Variants in DZIP1 observed in about 807,000 individuals in gnomAD.
DZIP1 encodes DAZ interacting zinc finger protein 1, also known as cilium assembly protein DZIP1.
A neutral mutation model predicts 107.6 loss-of-function variants in DZIP1; 97 were observed. The observed-to-expected ratio is 0.90, with a 90% confidence interval of 0.77 to 1.07. DZIP1 has a LOEUF of 1.07. DZIP1 is among the 50% of genes least tolerant of loss of function. DZIP1 has a pLI of 0.00. For missense variants in DZIP1, 1,035 were observed against 1,063.6 expected, an observed-to-expected ratio of 0.97 and a Z score of 0.37; for synonymous variants, 390 against 386.4, an observed-to-expected ratio of 1.01 and a Z score of -0.11.
chr13:95,605,142 G>A (rs1430248619), intron 14 of DZIP1, among the ~76,000 whole-genome samples: 1 of 152,180 alleles, frequency 6.6e-6, no homozygotes, highest in East Asian at 1.9e-4. Context: ...TAAAGTTCAT[G>A]GTATACAGAT....
rs1173978576 is a variant in DZIP1, at chr13:95,644,547, T to C, written c.-696A>G. The C allele has an allele frequency of 1.3e-5, 2 of 152,756 alleles. No individual in the cohort carries two copies. The highest frequency in any genetic ancestry group is 2.9e-5 in the Non-Finnish European group (2 of 68,526). The allele number at this position is 152,756 out of a possible 1,614,324, so 9.5% of individuals were successfully genotyped here. A position where few individuals can be genotyped will look rare whatever the true frequency, so the allele number is the denominator to read the frequency against. On this transcript the variant is annotated 5_prime_UTR_variant, in exon 1 of 23. Transcript: ENST00000376829. ...TTCTTGCAGGGCGCAGGATGAAACG[T>C]GTCTGGTCTGGGCAAGTTGTGGCGA...
chr13:95,632,290 C>T (rs1222715545), intron 6 of DZIP1, among the ~76,000 whole-genome samples: 1 of 152,136 alleles, frequency 6.6e-6, no homozygotes, highest in East Asian at 1.9e-4. Context: ...TGTAAACGCA[C>T]CCATGGCAAG....
chr13:95,627,668 T>C (rs1876703359), intron 7 of DZIP1, among the ~76,000 whole-genome samples: 1 of 152,086 alleles, frequency 6.6e-6, no homozygotes, highest in South Asian at 2.1e-4. Flanking sequence ...TGTGGAGAAA[T>C]AAGAACATTA....
At chr13:95,587,794 G>C (rs2044203591) in intron 19 of DZIP1, 65 bp from the exon 20 acceptor site, 2 of 1,505,862 alleles carry the variant, frequency 1.3e-6, no homozygotes, top group African/African-American at 1.4e-5. Flanking sequence ...ATAATATTAA[G>C]AGATGTGCCT....
chr13:95,598,898 A>G (rs1178285782), intron 15 of DZIP1, among the ~76,000 whole-genome samples: 1 of 152,204 alleles, frequency 6.6e-6, no homozygotes, highest in Non-Finnish European at 1.5e-5. Context: ...TTTGCACATA[A>G]ATATTCCACA....
intron 10 of DZIP1, among the ~76,000 whole-genome samples, chr13:95,616,932 G>T (rs565313809): frequency 5.9e-5 from 9 of 152,132 alleles, no homozygotes; most frequent in Admixed American, 1.3e-4. Context: ...TCCAGGCCAG[G>T]CATGGTGGCT....
chr13:95,583,842 G>T (rs2044071713), intron 22 of DZIP1, among the ~76,000 whole-genome samples: 1 of 151,958 alleles, frequency 6.6e-6, no homozygotes, highest in East Asian at 1.9e-4. Flanking sequence ...TAATATAAAA[G>T]CTGGGCATGG....
At chr13:95,630,593 G>C (rs561987342) in intron 6 of DZIP1, 1 of 569,308 alleles carries the variant, frequency 1.8e-6, no homozygotes, top group East Asian at 8.6e-5. Context: ...CAGAGGACTT[G>C]GGGGGCATTC....
intron 7 of DZIP1, among the ~76,000 whole-genome samples, chr13:95,628,331 C>T (rs1439572603): frequency 6.6e-6 from 1 of 152,074 alleles, no homozygotes; most frequent in Non-Finnish European, 1.5e-5. Context: ...TTGTGAGCCA[C>T]CACACGTGGT....
intron 22 of DZIP1, chr13:95,584,528 A>T: frequency 2.1e-6 from 2 of 961,218 alleles, no homozygotes; most frequent in Non-Finnish European, 2.7e-6. Context: ...ACTAAAGATT[A>T]GTCCTATAAT....
At chr13:95,592,989 A>C (rs1230126038) in intron 16 of DZIP1, among the ~76,000 whole-genome samples, 1 of 152,216 alleles carries the variant, frequency 6.6e-6, no homozygotes, top group Non-Finnish European at 1.5e-5. Flanking sequence ...AGTAAAAGAG[A>C]GTCTTCCAGA....
Position 95,641,421 on chromosome 13 carries a change from C to T in DZIP1, c.471G>A (p.Glu157=). The T allele has an allele frequency of 6.2e-7, 1 of 1,614,172 alleles. No homozygotes were observed. Among genetic ancestry groups the T allele is most frequent in the East Asian group, 2.2e-5 (1 of 44,876 alleles). The stretch of plus-strand genomic sequence containing the variant: ...GCTTGGTGAGCAGCTTCTTGCTCTG[C>T]TCGCCGTCGCAGTGGCTCAGGCGCA... ...ERLRLSHCDG[E]QSKKLLTKQA... is the part of the protein sequence containing the mutation. Residue 157 remains glutamate (E), a synonymous_variant, in exon 5 of 23, where the codon GAG becomes GAA. Coordinates refer to ENST00000376829, the MANE Select transcript of DZIP1 (RefSeq NM_198968.4). This position sits in a 1 kb window ranked among gnomAD's most constrained non-coding sequence, Gnocchi z 4.3.
rs1878737869 is a variant in DZIP1, at chr13:95,643,246, T to A, written c.-416A>T. 1 of 152,094 alleles carries A rather than the reference T, an allele frequency of 6.6e-6. No individual in the cohort carries two copies. Among genetic ancestry groups the A allele is most frequent in the Non-Finnish European group, 1.5e-5 (1 of 68,012 alleles). The allele number at this position is 152,094 out of a possible 1,614,324, so 9.4% of individuals were successfully genotyped here. On this transcript the variant is annotated 5_prime_UTR_variant, in exon 3 of 23. Coordinates refer to ENST00000376829, the MANE Select transcript of DZIP1 (RefSeq NM_198968.4). ...CTGCTTGGACCAGACATCAGGAATT[T>A]TTTTTTCTTTCCTAACATCCAAATA...
chr13:95,619,802 A>G (rs1033428914), intron 10 of DZIP1, 83 bp downstream of exon 10: 6 of 1,391,192 alleles, frequency 4.3e-6, no homozygotes, highest in Non-Finnish European at 6.0e-6. Flanking sequence ...TATTAAGTGG[A>G]CAAATATTAT....
intron 10 of DZIP1, among the ~76,000 whole-genome samples, chr13:95,618,760 T>C (rs1875460419): frequency 6.6e-6 from 1 of 152,224 alleles, no homozygotes; most frequent in Non-Finnish European, 1.5e-5. Context: ...TCGTTTAATA[T>C]TCTACTAAGA....
At position 95,593,928 on chromosome 13, in the gene DZIP1, A is replaced by G; in HGVS notation, c.1680+16T>C. On this transcript the variant is annotated intron_variant, in intron 16 of 22. Coordinates refer to ENST00000376829, the MANE Select transcript of DZIP1 (RefSeq NM_198968.4). ...ACAGCAAAACTAACAAATATTCCAA[A>G]AATGAATGAACATACTGCATTAATC... 1 of 1,581,486 alleles carries G rather than the reference A, an allele frequency of 6.3e-7. No homozygotes were observed. The highest frequency in any genetic ancestry group is 8.6e-7 in the Non-Finnish European group (1 of 1,169,226).
intron 5 of DZIP1, among the ~76,000 whole-genome samples, chr13:95,637,382 T>C (rs1003958258): frequency 1.3e-5 from 2 of 152,114 alleles, no homozygotes; most frequent in Non-Finnish European, 1.5e-5. Context: ...GTGACTGTGT[T>C]TGGAGATGAG....
At chr13:95,634,998 C>T (rs1877621442) in intron 5 of DZIP1, among the ~76,000 whole-genome samples, 1 of 151,866 alleles carries the variant, frequency 6.6e-6, no homozygotes, top group Non-Finnish European at 1.5e-5. Flanking sequence ...CCCTCCACCT[C>T]TTTTTTTTCC....
intron 11 of DZIP1, 127 bp downstream of exon 11, chr13:95,611,910 A>G: frequency 8.1e-7 from 1 of 1,240,168 alleles, no homozygotes; most frequent in Non-Finnish European, 1.1e-6. Flanking sequence ...ACAAGCAATC[A>G]CAAGGGGAAA....
Sources: gnomAD v4.1 joint callset for allele counts (sites outside exome capture counted in the v4.1 genomes callset) on GRCh38, gnomAD v4.1.1 for gene constraint, Gnocchi (gnomAD v3.1) non-coding constraint, MANE v1.5 for transcripts, NCBI Gene and HGNC (gene_info 2026-07-23, HGNC 2026-07-21) for gene names.